EEF2K: variants seen among roughly 807,000 people sequenced by gnomAD.
EEF2K encodes the protein eukaryotic elongation factor 2 kinase.
A neutral mutation model predicts 93.8 loss-of-function variants in EEF2K; 70 were observed. The ratio of observed to expected loss-of-function variants is 0.75; its 90% CI spans 0.62 to 0.91. The LOEUF is 0.91. Among genes scored for constraint, EEF2K ranks in the 40% least tolerant of loss-of-function variants. EEF2K has a pLI of 0.00. For missense variants in EEF2K, 935 were observed against 972.9 expected (o/e 0.96, Z 0.52); for synonymous variants, 376 against 380.8 (o/e 0.99, Z 0.15).
At chr16:22,247,853 C>T (rs1281211033) in intron 3 of EEF2K, among the ~76,000 whole-genome samples, 2 of 152,054 alleles carry the variant, frequency 1.3e-5, no homozygotes, top group Non-Finnish European at 2.9e-5. Context: ...GACTCAGAGA[C>T]GGGACCCTTA....
intron 1 of EEF2K, among the ~76,000 whole-genome samples, chr16:22,210,757 A>C (rs1358800649): frequency 6.6e-6 from 1 of 152,162 alleles, no homozygotes; most frequent in Non-Finnish European, 1.5e-5. Flanking sequence ...AGGGATGAGC[A>C]GTCAAGTTGG....
In EEF2K at chr16:22,266,826, C is replaced by T; in HGVS notation, c.1714C>T (p.Leu572Phe). 1.2e-6 allele frequency: 2 copies of T among 1,614,020 alleles called. No homozygotes were observed. Among genetic ancestry groups the T allele is most frequent in the African/African-American group, 1.3e-5 (1 of 75,048 alleles). The change falls in exon 15 of 18, where the codon CTC becomes TTC. Residue 572 changes from leucine to phenylalanine, a missense_variant. Transcript: ENST00000263026. Reference protein sequence around the residue: ...GELEAIVGLGLMYSQLPHHIL... With the variant: ...GELEAIVGLGFMYSQLPHHIL... ...GCTGGAGGCCATCGTGGGCCTGGGACTCATGTACTCGCAGTTGCCTCATCA... is the reference window on the plus strand; with the variant it reads ...GCTGGAGGCCATCGTGGGCCTGGGATTCATGTACTCGCAGTTGCCTCATCA...
intron 1 of EEF2K, among the ~76,000 whole-genome samples, chr16:22,221,477 A>T (rs1487327204): frequency 3.5e-5 from 5 of 144,558 alleles, no homozygotes; most frequent in South Asian, 2.1e-4. Flanking sequence ...AATAACATTT[A>T]AAAAAAAAAA....
intron 2 of EEF2K, among the ~76,000 whole-genome samples, chr16:22,240,893 C>G (rs1025462912): frequency 6.6e-6 from 1 of 152,076 alleles, no homozygotes; most frequent in Non-Finnish European, 1.5e-5. Context: ...CCTCAGCCTC[C>G]CAAGTAGCTG....
intron 13 of EEF2K, 129 bp from the exon 14 acceptor site, chr16:22,266,261 C>A (rs1598200004): frequency 7.6e-7 from 1 of 1,313,782 alleles, no homozygotes; most frequent in Non-Finnish European, 1.0e-6. Context: ...TGCCAATAAA[C>A]TTTGACATCG....
At chr16:22,273,055 G>A (rs2047599997) in intron 15 of EEF2K, among the ~76,000 whole-genome samples, 2 of 152,124 alleles carry the variant, frequency 1.3e-5, no homozygotes, top group Admixed American at 6.5e-5. Flanking sequence ...AGGGTTTTTT[G>A]CTTCACCCAG....
At chr16:22,223,262 G>GTT (rs58446693) in intron 1 of EEF2K, among the ~76,000 whole-genome samples, 4,124 of 107,376 alleles carry the variant, frequency 0.038, 221 homozygotes, top group African/African-American at 0.13. Context: ...GTTTTTTTCT[G>GTT]TTTTTTTTTT....
rs528377737 is a variant in EEF2K at position 22,241,654 on chromosome 16, A to C, written c.247-2976A>C. ...ACTGTCTCAAAAAAAAAAAAAAAAA[A>C]AAAAAAAACATATAGAAGATCTGGA... On this transcript the variant is annotated intron_variant, in intron 2 of 17. Transcript: ENST00000263026. Among the ~76,000 whole-genome samples, 328 of 151,556 alleles carry C rather than the reference A, an allele frequency of 2.2e-3. 4 individuals are homozygous for C. The highest frequency in any genetic ancestry group is 3.9e-3 in the Non-Finnish European group (265 of 67,854).
rs1367054906 is a variant in EEF2K, at chr16:22,288,219, G to A, written c.*4223G>A. 6.6e-6 allele frequency: 1 copy of A among 152,166 alleles called. No homozygotes were observed. Among genetic ancestry groups the A allele is most frequent in the Non-Finnish European group, 1.5e-5 (1 of 68,056 alleles). 9.4% of individuals were successfully genotyped at this position (152,166 alleles called of 1,614,324 possible). ...TTGGCCAGGCTGGTTTCAAACTCCTGACATTAGGTGATCCACCTGCCTCGG... is the reference window on the plus strand; with the variant it reads ...TTGGCCAGGCTGGTTTCAAACTCCTAACATTAGGTGATCCACCTGCCTCGG... On this transcript the variant is annotated 3_prime_UTR_variant, in exon 18 of 18. Coordinates refer to ENST00000263026, the MANE Select transcript of EEF2K (RefSeq NM_013302.5).
At chr16:22,214,053 G>A (rs1028046561) in intron 1 of EEF2K, among the ~76,000 whole-genome samples, 8 of 152,222 alleles carry the variant, frequency 5.3e-5, no homozygotes, top group African/African-American at 1.9e-4. Flanking sequence ...AATGAAATTT[G>A]CTTGTGGAGG....
intron 13 of EEF2K, 102 bp from the exon 14 acceptor site, chr16:22,266,288 A>T: frequency 6.7e-7 from 1 of 1,482,790 alleles, no homozygotes; most frequent in Non-Finnish European, 9.0e-7. Flanking sequence ...TTCACTCCCC[A>T]TCTCCCTCCA....
At chr16:22,257,900 TCTGTCCCATCCATGCCC>T in intron 9 of EEF2K, 130 bp downstream of exon 9, 1 of 1,399,620 alleles carries the variant, frequency 7.1e-7, no homozygotes, top group Non-Finnish European at 9.7e-7. Context: ...GCTGGAAGCA[TCTGTCCCATCCATGCCC>T]CAGCCCGTCC....
intron 3 of EEF2K, among the ~76,000 whole-genome samples, chr16:22,247,037 CAAAAAAAAAAAAAAAAAA>C (rs57073413): frequency 7.3e-5 from 1 of 13,698 alleles, no homozygotes; most frequent in Non-Finnish European, 1.7e-4. Context: ...GACTCCATCT[CAAAAAAAAAAAAAAAAAA>C]AAAAAAAAAA....
intron 2 of EEF2K, among the ~76,000 whole-genome samples, chr16:22,236,376 G>A (rs1020954745): frequency 2.0e-5 from 3 of 150,622 alleles, no homozygotes; most frequent in African/African-American, 7.4e-5. Flanking sequence ...CCAGGTTCAG[G>A]TGATCCTTCC....
intron 1 of EEF2K, among the ~76,000 whole-genome samples, chr16:22,214,382 C>T (rs2046940488): frequency 6.6e-6 from 1 of 151,930 alleles, no homozygotes; most frequent in South Asian, 2.1e-4. Flanking sequence ...ACTGAGGCTG[C>T]CGTGAGCCAT....
intron 1 of EEF2K, among the ~76,000 whole-genome samples, chr16:22,207,883 C>A (rs1326559866): frequency 6.6e-6 from 1 of 152,076 alleles, no homozygotes; most frequent in Non-Finnish European, 1.5e-5. Context: ...GGGAAGGCTT[C>A]CTGTAGCAAG....
Position 22,225,354 on chromosome 16 carries a change from A to G in EEF2K, c.-76-300A>G, listed in dbSNP as rs1031979210. ...GCCAGGGGTGGGCGTTAAGCAGAGG[A>G]GTGCCTCGATCTAATTGATGTGCTA... is the stretch of plus-strand genomic sequence containing the variant. On this transcript the variant is annotated intron_variant, in intron 1 of 17. Transcript: ENST00000263026. Among the ~76,000 whole-genome samples, 3 of 152,192 alleles carry G rather than the reference A, an allele frequency of 2.0e-5. No homozygotes were observed. In the South Asian group the frequency reaches 6.2e-4, roughly 32 times the overall value.
At position 22,285,046 on chromosome 16, in the gene EEF2K, T is replaced by A. The variant is rs1256238814; in HGVS notation, c.*1050T>A. On this transcript the variant is annotated 3_prime_UTR_variant, in exon 18 of 18. Coordinates refer to ENST00000263026, the MANE Select transcript of EEF2K (RefSeq NM_013302.5). ...CTTTTCAAAACAGGTTTGAGTTTTG[T>A]ATGCACACGTTTACTACCTCTAACT... The A allele has an allele frequency of 6.6e-6, 1 of 152,652 alleles. No individual in the cohort carries two copies. The highest frequency in any genetic ancestry group is 2.4e-5 in the African/African-American group (1 of 41,472). The allele number at this position is 152,652 out of a possible 1,614,324, so 9.5% of individuals were successfully genotyped here.
chr16:22,270,311 G>A (rs1451279250), intron 15 of EEF2K, among the ~76,000 whole-genome samples: 1 of 151,622 alleles, frequency 6.6e-6, no homozygotes, highest in East Asian at 1.9e-4. Flanking sequence ...TTTTAGTTGA[G>A]ACAGGGTTTT....
Sources: allele counts gnomAD v4.1 joint callset (sites outside exome capture counted in the v4.1 genomes callset), GRCh38; gene constraint gnomAD v4.1.1; transcripts MANE v1.5; gene names NCBI Gene and HGNC (gene_info 2026-07-23, HGNC 2026-07-21).